Variants in NXPE1 observed in about 807,000 individuals in gnomAD.
The protein encoded by NXPE1 is neurexophilin and PC-esterase domain family member 1.
Under a neutral mutation model 33.3 loss-of-function variants are expected in NXPE1, and 31 were observed. The observed-to-expected ratio is 0.93, with a 90% CI of 0.70 to 1.26. NXPE1 has a LOEUF of 1.26. Ranked by LOEUF, NXPE1 falls within the 50% of genes most tolerant of loss-of-function variation. The pLI, the probability that NXPE1 is intolerant of heterozygous loss-of-function variation, is 0.00. For missense variants in NXPE1, 661 were observed against 655.6 expected (o/e 1.01, Z -0.09); for synonymous variants, 229 against 231.4 (o/e 0.99, Z 0.09).
chr11:114,524,539 T>G (rs1397539886), intron 7 of NXPE1, among the ~76,000 whole-genome samples: 1 of 152,232 alleles, frequency 6.6e-6, no homozygotes, highest in Non-Finnish European at 1.5e-5. Flanking sequence ...GTTTGTATAA[T>G]CCTATAATTA....
intron 5 of NXPE1, among the ~76,000 whole-genome samples, chr11:114,543,810 T>C (rs893518197): frequency 6.6e-6 from 1 of 152,056 alleles, no homozygotes; most frequent in Non-Finnish European, 1.5e-5. Flanking sequence ...ATTAACAAAT[T>C]ACATGACTGT....
chr11:114,521,971 G>A, exon 9 of NXPE1: 1 of 1,606,128 alleles, frequency 6.2e-7, no homozygotes, highest in East Asian at 2.2e-5. Flanking sequence ...TTATCCCTTA[G>A]CAAATGTAGT....
At chr11:114,534,842 G>A (rs1328745630) in intron 5 of NXPE1, among the ~76,000 whole-genome samples, 1 of 152,194 alleles carries the variant, frequency 6.6e-6, no homozygotes, top group Non-Finnish European at 1.5e-5. Flanking sequence ...ATGGAACCAA[G>A]TTGGAAAACA....
At chr11:114,555,537 A>G (rs181003985) in intron 1 of NXPE1, among the ~76,000 whole-genome samples, 1 of 152,258 alleles carries the variant, frequency 6.6e-6, no homozygotes, top group African/African-American at 2.4e-5. Context: ...GAATACATGC[A>G]TTTTAAGTGC....
chr11:114,551,360 A>C, intron 4 of NXPE1, 23 bp downstream of exon 4: 1 of 1,412,900 alleles, frequency 7.1e-7, no homozygotes, highest in South Asian at 1.6e-5. Context: ...CTAACAACTC[A>C]TACCCCCAAT....
At chr11:114,559,303 C>G (rs1948724024) in intron 1 of NXPE1, among the ~76,000 whole-genome samples, 1 of 152,188 alleles carries the variant, frequency 6.6e-6, no homozygotes, top group Non-Finnish European at 1.5e-5. Context: ...AGGAAACTTT[C>G]CAGCATAACT....
At chr11:114,557,642 T>TAATAC (rs1948684856) in intron 1 of NXPE1, among the ~76,000 whole-genome samples, 1 of 25,396 alleles carries the variant, frequency 3.9e-5, no homozygotes, top group South Asian at 1.5e-3. Context: ...TACATATATA[T>TAATAC]ATATATATAT....
At chr11:114,555,491 C>T (rs886342048) in intron 1 of NXPE1, among the ~76,000 whole-genome samples, 2 of 152,198 alleles carry the variant, frequency 1.3e-5, no homozygotes, top group African/African-American at 4.8e-5. Context: ...TCCCAAAGTG[C>T]TGGGATTACA....
chr11:114,544,822 T>C (rs768626092), intron 5 of NXPE1, among the ~76,000 whole-genome samples: 2 of 152,076 alleles, frequency 1.3e-5, no homozygotes, highest in Non-Finnish European at 2.9e-5. Context: ...AAAACACTTA[T>C]CAGGTAAAGG....
intron 1 of NXPE1, among the ~76,000 whole-genome samples, chr11:114,556,285 A>C (rs1230863470): frequency 6.6e-6 from 1 of 152,222 alleles, no homozygotes; most frequent in Non-Finnish European, 1.5e-5. Flanking sequence ...CTGGAACTCA[A>C]AACCTACAAA....
chr11:114,535,098 C>G lies in NXPE1; in HGVS notation c.100-4190G>C, dbSNP rs376182265. Among the ~76,000 whole-genome samples, 19 of 152,324 alleles carry G rather than the reference C, an allele frequency of 1.2e-4. No homozygotes were observed. In the South Asian group the frequency reaches 2.3e-3, roughly 18 times the overall value. On this transcript the variant is annotated intron_variant, in intron 5 of 8. Coordinates refer to ENST00000534921, the Ensembl canonical transcript of NXPE1. ...AGCTGATCTCTTGCCAGAAACTCTA[C>G]GAGCCAGAAGAGAGTGGGGACCAAT...
chr11:114,550,197 G>T (rs990036770), intron 5 of NXPE1, among the ~76,000 whole-genome samples: 7 of 152,096 alleles, frequency 4.6e-5, no homozygotes, highest in Admixed American at 2.6e-4. Flanking sequence ...ATATCTTCTG[G>T]GTCAGACAGG....
intron 5 of NXPE1, among the ~76,000 whole-genome samples, chr11:114,536,603 A>G (rs1947836170): frequency 6.6e-6 from 1 of 152,228 alleles, no homozygotes; most frequent in Admixed American, 6.5e-5. Context: ...AGGGGATATC[A>G]CCACCGATCC....
At chr11:114,549,831 A>G (rs1948412243) in intron 5 of NXPE1, among the ~76,000 whole-genome samples, 1 of 152,106 alleles carries the variant, frequency 6.6e-6, no homozygotes, top group Admixed American at 6.6e-5. Flanking sequence ...GAAAAACCCC[A>G]AAGTATCAAT....
At chr11:114,539,202 A>G (rs1947982544) in intron 5 of NXPE1, among the ~76,000 whole-genome samples, 1 of 149,128 alleles carries the variant, frequency 6.7e-6, no homozygotes, top group Non-Finnish European at 1.5e-5. Flanking sequence ...CAAATACCGC[A>G]TGTTCTCACT....
At chr11:114,519,564 G>T (rs527568365), downstream of NXPE1, among the ~76,000 whole-genome samples, 1 of 152,004 alleles carries the variant, frequency 6.6e-6, no homozygotes, top group African/African-American at 2.4e-5. Context: ...ATTCTTTCCC[G>T]GGGTGTCAGG....
intron 1 of NXPE1, among the ~76,000 whole-genome samples, chr11:114,557,189 C>T (rs574757891): frequency 9.9e-5 from 15 of 152,182 alleles, no homozygotes; most frequent in Non-Finnish European, 2.1e-4. Context: ...CTACCGTGCC[C>T]GGCCCCCTTT....
At position 114,551,383 on chromosome 11, in the gene NXPE1, C is replaced by A. The variant is rs1591303968; in HGVS notation, c.-11G>T. ...TCATACCCCCAATCCCTTTGTCTAC[C>A]TATTGGATACTTCTTGTCGAGGTTT... On this transcript the variant is annotated splice_region_variant and 5_prime_UTR_variant, in exon 4 of 9. In the 5' UTR this introduces an upstream ATG that the reference lacks. Transcript: ENST00000534921. The A allele has an allele frequency of 4.4e-6, 6 of 1,374,046 alleles. No homozygotes were observed. In the East Asian group the frequency reaches 1.6e-4, roughly 37 times the overall value. The allele number at this position is 1,374,046 out of a possible 1,614,324, so 85.1% of individuals were successfully genotyped here. A position where few individuals can be genotyped will look rare whatever the true frequency, so the allele number is the denominator to read the frequency against.
At chr11:114,551,478 T>C (rs1948481004) in intron 3 of NXPE1, 37 bp from the exon 4 acceptor site, 3 of 1,046,910 alleles carry the variant, frequency 2.9e-6, no homozygotes, top group Non-Finnish European at 3.6e-6. Flanking sequence ...TAGGTTCTCT[T>C]AATGCCCTCT....
Sources: gnomAD v4.1 joint callset for allele counts (sites outside exome capture counted in the v4.1 genomes callset) on GRCh38, gnomAD v4.1.1 for gene constraint, MANE v1.5 for transcripts, NCBI Gene and HGNC (gene_info 2026-07-23, HGNC 2026-07-21) for gene names.